MPPED1: variants seen among roughly 807,000 people sequenced by gnomAD.
The protein encoded by MPPED1 is metallophosphoesterase domain-containing protein 1.
In MPPED1, 16 loss-of-function variants were observed where a neutral mutation model predicts 36.2. That is an observed-to-expected ratio of 0.44 (90% CI 0.30 to 0.67). The LOEUF (loss-of-function observed/expected upper bound fraction) is 0.67. MPPED1 is among the 30% of genes least tolerant of loss of function. The pLI is 0.10. For missense variants in MPPED1, 307 were observed against 453.4 expected (o/e 0.68, Z 2.93); for synonymous variants, 199 against 191.3 (o/e 1.04, Z -0.33).
chr22:43,447,883 A>ATATATATATATATATATATATATAT (rs1321289636), intron 3 of MPPED1, among the ~76,000 whole-genome samples: 5 of 67,706 alleles, frequency 7.4e-5, no homozygotes, highest in South Asian at 4.9e-4. Context: ...ATATATATAT[A>ATATATATATATATATATATATATAT]TTTTTTTTTT....
intron 1 of MPPED1, among the ~76,000 whole-genome samples, chr22:43,414,121 A>G (rs1468665577): frequency 6.6e-6 from 1 of 152,178 alleles, no homozygotes; most frequent in East Asian, 1.9e-4. Context: ...AGGGTGTTTT[A>G]CTTGAGCCCC....
chr22:43,417,038 G>A (rs1262828783), intron 1 of MPPED1: 6 of 984,010 alleles, frequency 6.1e-6, no homozygotes, highest in Non-Finnish European at 7.2e-6. Flanking sequence ...TTCATATTCC[G>A]AAATAAAAGT....
At chr22:43,434,743 A>G (rs185897087) in intron 2 of MPPED1, among the ~76,000 whole-genome samples, 1 of 152,320 alleles carries the variant, frequency 6.6e-6, no homozygotes, top group Admixed American at 6.5e-5. Flanking sequence ...CACTGCACCC[A>G]CTTCTCACTC....
At chr22:43,439,257 T>C (rs1343747136) in intron 3 of MPPED1, among the ~76,000 whole-genome samples, 21 of 152,230 alleles carry the variant, frequency 1.4e-4, no homozygotes, top group Admixed American at 6.5e-5. Context: ...GAGCAGCCCC[T>C]TTTCCCCCTT....
chr22:43,444,288 G>C (rs1930255657), intron 3 of MPPED1, among the ~76,000 whole-genome samples: 1 of 14,846 alleles, frequency 6.7e-5, no homozygotes, highest in Non-Finnish European at 5.0e-4. Flanking sequence ...GGGTGTGTGT[G>C]TGTGTGTGTG....
intron 3 of MPPED1, among the ~76,000 whole-genome samples, chr22:43,438,184 G>C (rs1930030216): frequency 6.6e-6 from 1 of 152,178 alleles, no homozygotes; most frequent in African/African-American, 2.4e-5. Context: ...ATTCATTAGA[G>C]AGAGCTATGG....
At chr22:43,480,110 G>A (rs1371680072) in intron 4 of MPPED1, among the ~76,000 whole-genome samples, 2 of 152,198 alleles carry the variant, frequency 1.3e-5, no homozygotes, top group East Asian at 1.9e-4. Flanking sequence ...GCAGTCCTCA[G>A]TGGGTTAGAT....
chr22:43,418,075 G>C (rs1453690917), intron 1 of MPPED1: 1 of 456,108 alleles, frequency 2.2e-6, no homozygotes, highest in East Asian at 7.0e-5. Context: ...TAGCCCCCCA[G>C]TGATTGTTAA....
At chr22:43,490,741 G>C (rs537974086) in intron 4 of MPPED1, among the ~76,000 whole-genome samples, 96 of 152,314 alleles carry the variant, frequency 6.3e-4, no homozygotes, top group Non-Finnish European at 1.1e-3. Flanking sequence ...TTGTTTTTCT[G>C]TTGGCTGATG....
In MPPED1 at chr22:43,499,544, G is replaced by A. The variant is rs1321278325; in HGVS notation, c.748+1194G>A. Among the ~76,000 whole-genome samples the A allele has an allele frequency of 6.4e-4, 88 of 136,838 alleles. 1 individual carries two copies. The highest frequency in any genetic ancestry group is 1.3e-3 in the South Asian group (5 of 3,896). The allele number at this position is 136,838 out of a possible 152,430, so 89.8% of individuals were successfully genotyped here. A position where few individuals can be genotyped will look rare whatever the true frequency, so the allele number is the denominator to read the frequency against. On this transcript the variant is annotated intron_variant, in intron 5 of 6. Transcript: ENST00000443721. ...GGTGGTGATGGAGGTGGTGGTGATGGTGGGTGGTGGTGGAGGTGGTGGTGG... is the reference window on the plus strand; with the variant it reads ...GGTGGTGATGGAGGTGGTGGTGATGATGGGTGGTGGTGGAGGTGGTGGTGG...
intron 3 of MPPED1, among the ~76,000 whole-genome samples, chr22:43,442,998 C>T (rs1166034095): frequency 1.3e-5 from 2 of 152,240 alleles, no homozygotes; most frequent in East Asian, 3.9e-4. Flanking sequence ...GCTGGAGATT[C>T]AGTGATGGAT....
intron 3 of MPPED1, among the ~76,000 whole-genome samples, chr22:43,438,560 T>C (rs1442186013): frequency 6.6e-6 from 1 of 151,982 alleles, no homozygotes; most frequent in Non-Finnish European, 1.5e-5. Flanking sequence ...CCATGATGGA[T>C]TGTAGAACCA....
chr22:43,488,481 T>C (rs1931983671), intron 4 of MPPED1, among the ~76,000 whole-genome samples: 1 of 152,222 alleles, frequency 6.6e-6, no homozygotes, highest in African/African-American at 2.4e-5. Context: ...AGCAGGAGAC[T>C]GTTTAACGAT....
At chr22:43,479,972 C>T (rs781316376) in intron 4 of MPPED1, among the ~76,000 whole-genome samples, 2 of 152,146 alleles carry the variant, frequency 1.3e-5, no homozygotes, top group Non-Finnish European at 2.9e-5. Context: ...AAGTGATCCC[C>T]CCACCTCAGC....
chr22:43,453,049 A>C (rs533600544), intron 3 of MPPED1, among the ~76,000 whole-genome samples: 1 of 149,564 alleles, frequency 6.7e-6, no homozygotes, highest in South Asian at 2.1e-4. Flanking sequence ...TCCTGGGTTC[A>C]AGTGATTCTC....
chr22:43,491,263 A>G (rs939582967), intron 4 of MPPED1, among the ~76,000 whole-genome samples: 4 of 152,120 alleles, frequency 2.6e-5, no homozygotes, highest in Non-Finnish European at 4.4e-5. Context: ...TAGTGGTGAT[A>G]TAGGAGGTGA....
chr22:43,481,074 C>G (rs141841892), intron 4 of MPPED1, among the ~76,000 whole-genome samples: 1 of 152,144 alleles, frequency 6.6e-6, no homozygotes, highest in African/African-American at 2.4e-5. Context: ...CCACCTGCCT[C>G]GGCCTCCCAG....
At chr22:43,427,661 C>T (rs1338037506) in intron 2 of MPPED1, among the ~76,000 whole-genome samples, 2 of 152,168 alleles carry the variant, frequency 1.3e-5, no homozygotes, top group Non-Finnish European at 2.9e-5. Context: ...CTGTGAGCTG[C>T]TGAGTTTCTC....
chr22:43,420,937 A>G (rs753005596), intron 1 of MPPED1, among the ~76,000 whole-genome samples: 2 of 152,190 alleles, frequency 1.3e-5, no homozygotes, highest in Non-Finnish European at 2.9e-5. Context: ...TGGTTGTTGA[A>G]TAAGTCATGC....
Sources: allele counts gnomAD v4.1 joint callset (sites outside exome capture counted in the v4.1 genomes callset), GRCh38; gene constraint gnomAD v4.1.1; transcripts MANE v1.5; gene names NCBI Gene and HGNC (gene_info 2026-07-23, HGNC 2026-07-21).